The following CCDC102B variants were observed in gnomAD, a reference collection of about 807,000 sequenced individuals.
CCDC102B encodes the protein coiled-coil domain-containing protein 102B.
CCDC102B carries 75 observed loss-of-function variants against 57.4 expected under a neutral mutation model. The ratio of observed to expected loss-of-function variants is 1.31; its 90% confidence interval spans 1.08 to 1.58. CCDC102B has a LOEUF of 1.58. CCDC102B is among the 40% of genes most tolerant of loss of function. The pLI is 0.00. For synonymous variants in CCDC102B, 206 were observed against 201.9 expected, an observed-to-expected ratio of 1.02 and a Z score of -0.17; for missense variants, 636 against 582.6, an observed-to-expected ratio of 1.09 and a Z score of -0.94.
At chr18:68,850,492 TG>T (rs2038073305) in intron 4 of CCDC102B, among the ~76,000 whole-genome samples, 1 of 152,050 alleles carries the variant, frequency 6.6e-6, no homozygotes, top group Non-Finnish European at 1.5e-5. Context: ...TAGAGCTACC[TG>T]TGATGAGTTT....
intron 5 of CCDC102B, among the ~76,000 whole-genome samples, chr18:68,879,529 G>C (rs530189662): frequency 7.6e-4 from 116 of 152,166 alleles, no homozygotes; most frequent in Middle Eastern, 3.4e-3. Context: ...GGTTCTCCAC[G>C]TCCCCACCAG....
chr18:69,048,292 A>C (rs1406778730), intron 7 of CCDC102B, among the ~76,000 whole-genome samples: 1 of 151,992 alleles, frequency 6.6e-6, no homozygotes, highest in Non-Finnish European at 1.5e-5. Flanking sequence ...GTCCAGAATA[A>C]TATTAGTCAA....
intron 7 of CCDC102B, among the ~76,000 whole-genome samples, chr18:69,049,632 C>T (rs923441392): frequency 2.0e-5 from 3 of 152,128 alleles, no homozygotes; most frequent in Non-Finnish European, 4.4e-5. Context: ...AAGAAAACAA[C>T]CTGGCCACTT....
rs541720135 is a variant in CCDC102B at position 68,864,361 on chromosome 18, C to T, written c.937-10308C>T. Among the ~76,000 whole-genome samples the T allele has an allele frequency of 2.0e-5, 3 of 152,088 alleles. No individual in the cohort carries two copies. In the South Asian group the frequency reaches 6.2e-4, roughly 31 times the overall value. On this transcript the variant is annotated intron_variant, in intron 4 of 7. Coordinates refer to ENST00000360242, the MANE Select transcript of CCDC102B (RefSeq NM_024781.3). ...GAAAGGTCACCCAGAGAGAAGCATA[C>T]TGAGATTTTTGTGTACAGTCAGCTC...
chr18:68,822,931 T>C (rs2036751682), intron 1 of CCDC102B, among the ~76,000 whole-genome samples: 1 of 152,144 alleles, frequency 6.6e-6, no homozygotes, highest in African/African-American at 2.4e-5. Context: ...ACCTCACCTC[T>C]CTATGCCTAA....
At chr18:68,837,446 A>C in intron 2 of CCDC102B, 77 bp downstream of exon 2, 2 of 1,383,988 alleles carry the variant, frequency 1.4e-6, no homozygotes, top group East Asian at 2.3e-5. Flanking sequence ...GAAGTGACAA[A>C]TGCAATGGTG....
intron 2 of CCDC102B, among the ~76,000 whole-genome samples, chr18:68,747,476 C>T (rs1411649580): frequency 2.0e-5 from 3 of 152,058 alleles, no homozygotes; most frequent in African/African-American, 4.8e-5. Context: ...ATTTATTCAT[C>T]TTGCCTAACC....
intron 4 of CCDC102B, among the ~76,000 whole-genome samples, chr18:68,864,858 T>A (rs2038907899): frequency 6.6e-6 from 1 of 152,036 alleles, no homozygotes; most frequent in Non-Finnish European, 1.5e-5. Flanking sequence ...AAAATATTCC[T>A]TATTCTTTCC....
intron 2 of CCDC102B, among the ~76,000 whole-genome samples, chr18:68,762,398 T>G (rs2034282040): frequency 6.6e-6 from 1 of 152,136 alleles, no homozygotes. Flanking sequence ...GTTGTTTGTT[T>G]TTTGTTTTTG....
intron 1 of CCDC102B, among the ~76,000 whole-genome samples, chr18:68,810,811 G>A (rs941051442): frequency 4.7e-5 from 7 of 149,002 alleles, no homozygotes; most frequent in Admixed American, 2.7e-4. Flanking sequence ...TTCTACATTA[G>A]GTATTTATCC....
At chr18:68,987,685 C>T (rs145518628) in intron 6 of CCDC102B, among the ~76,000 whole-genome samples, 94 of 151,754 alleles carry the variant, frequency 6.2e-4, no homozygotes, top group African/African-American at 2.0e-3. Flanking sequence ...GAATCTACAA[C>T]GAACTTAATA....
At chr18:68,924,345 C>T (rs1483471395) in intron 6 of CCDC102B, among the ~76,000 whole-genome samples, 7 of 151,964 alleles carry the variant, frequency 4.6e-5, no homozygotes, top group South Asian at 2.1e-4. Context: ...TGAGTTCTCA[C>T]GAGATCTGAT....
intron 6 of CCDC102B, among the ~76,000 whole-genome samples, chr18:68,910,602 C>G (rs971960645): frequency 1.3e-5 from 2 of 152,180 alleles, no homozygotes; most frequent in Non-Finnish European, 2.9e-5. Context: ...TGAGGACACA[C>G]AGCACATTTA....
intron 6 of CCDC102B, among the ~76,000 whole-genome samples, chr18:68,956,332 T>TATATATTATATATATATAAA (rs2049847898): frequency 1.8e-5 from 1 of 54,980 alleles, no homozygotes; most frequent in African/African-American, 9.1e-5. Context: ...TTATATATAT[T>TATATATTATATATATATAAA]ATATATAATA....
intron 2 of CCDC102B, among the ~76,000 whole-genome samples, chr18:68,732,809 A>G (rs1465985456): frequency 6.6e-6 from 1 of 152,148 alleles, no homozygotes; most frequent in Non-Finnish European, 1.5e-5. Flanking sequence ...TTAAAAAACT[A>G]TGATTTTGAG....
intron 6 of CCDC102B, among the ~76,000 whole-genome samples, chr18:69,004,644 AATC>A (rs1217244264): frequency 6.6e-6 from 1 of 152,178 alleles, no homozygotes; most frequent in African/African-American, 2.4e-5. Flanking sequence ...TATCTTAAAA[AATC>A]ATCTGAGTAT....
chr18:69,054,040 C>A lies in CCDC102B; in HGVS notation c.1445C>A (p.Ser482Tyr). ...LNQKEDELDD[S>Y]LNQIRKLQRS... ...CTACTTCGCTTTCAGCTTGATGATTCCCTGAATCAGATCCGTAAGCTCCAG... is the reference window on the plus strand; with the variant it reads ...CTACTTCGCTTTCAGCTTGATGATTACCTGAATCAGATCCGTAAGCTCCAG... Residue 482 changes from serine to tyrosine, a missense_variant, in exon 8 of 8, where the codon TCC (serine) becomes TAC (tyrosine). Coordinates refer to ENST00000360242, the MANE Select transcript of CCDC102B (RefSeq NM_024781.3). The A allele has an allele frequency of 6.2e-7, 1 of 1,602,284 alleles. No homozygotes were observed. Among genetic ancestry groups the A allele is most frequent in the South Asian group, 1.1e-5 (1 of 89,176 alleles).
chr18:68,941,735 A>G (rs1002135459), intron 6 of CCDC102B, among the ~76,000 whole-genome samples: 2 of 152,134 alleles, frequency 1.3e-5, no homozygotes, highest in African/African-American at 4.8e-5. Flanking sequence ...TCAAAATGCA[A>G]TGTGATGATA....
intron 4 of CCDC102B, among the ~76,000 whole-genome samples, chr18:68,857,144 AT>A (rs1432414878): frequency 1.6e-4 from 6 of 38,158 alleles, no homozygotes; most frequent in East Asian, 1.7e-3. Context: ...TATATTATAT[AT>A]AAATATATTT....
Sources: allele counts gnomAD v4.1 joint callset (sites outside exome capture counted in the v4.1 genomes callset), GRCh38; gene constraint gnomAD v4.1.1; transcripts MANE v1.5; gene names NCBI Gene and HGNC (gene_info 2026-07-23, HGNC 2026-07-21).